Variants in FBXW7 observed in about 807,000 individuals in gnomAD.
FBXW7 encodes F-box/WD repeat-containing protein 7.
In FBXW7, 11 loss-of-function variants were observed where a neutral mutation model predicts 86.3. That is an observed-to-expected ratio of 0.13 (90% CI 0.08 to 0.21). The LOEUF (loss-of-function observed/expected upper bound fraction) is 0.21, where lower values mean the gene tolerates loss of function less well. Among genes scored for constraint, FBXW7 ranks in the 10% least tolerant of loss-of-function variants. FBXW7 has a pLI of 1.00. For missense variants in FBXW7, 488 were observed against 847.4 expected (o/e 0.58, Z 5.27); for synonymous variants, 313 against 297.9 (o/e 1.05, Z -0.52).
intron 2 of FBXW7, among the ~76,000 whole-genome samples, chr4:152,431,541 T>C (rs551336393): frequency 6.6e-6 from 1 of 152,318 alleles, no homozygotes; most frequent in South Asian, 2.1e-4. Flanking sequence ...TTCTATTTGA[T>C]TATGTGGCAG....
At position 152,415,224 on chromosome 4, in the gene FBXW7, T is replaced by C. The variant is rs1472794291; in HGVS notation, c.-119-2695A>G. Among the ~76,000 whole-genome samples, 4 of 152,126 alleles carry C rather than the reference T, an allele frequency of 2.6e-5. No homozygotes were observed. The South Asian group carries it at 6.2e-4, about 24-fold the overall frequency. ...AAGGCAAATACTAACTTTGAAATCA[T>C]AGTAGACACTGAGGAATACAGTTTA... On this transcript the variant is annotated intron_variant, in intron 2 of 13. Transcript: ENST00000281708.
intron 5 of FBXW7, among the ~76,000 whole-genome samples, chr4:152,349,833 C>T (rs543733123): frequency 6.6e-6 from 1 of 151,874 alleles, no homozygotes; most frequent in Non-Finnish European, 1.5e-5. Context: ...TTGTGTCCTA[C>T]TTCAAAATGT....
intron 2 of FBXW7, among the ~76,000 whole-genome samples, chr4:152,490,394 C>A (rs929050410): frequency 7.2e-5 from 11 of 151,996 alleles, no homozygotes; most frequent in African/African-American, 2.7e-4. Flanking sequence ...ACTTATTGGA[C>A]TCCCTAGAAC....
Position 152,520,650 on chromosome 4 carries a change from A to G in FBXW7, c.-120+14291T>C, listed in dbSNP as rs2149729795. 2.6e-5 allele frequency among the ~76,000 whole-genome samples: 4 copies of G among 152,290 alleles called. No individual in the cohort carries two copies. In the Middle Eastern group the frequency reaches 0.014, roughly 518 times the overall value. On this transcript the variant is annotated intron_variant, in intron 2 of 13. Coordinates refer to ENST00000281708, the MANE Select transcript of FBXW7 (RefSeq NM_001349798.2). ...ACTGTTACTTAATGATGGCTCCTCC[A>G]TGATGTAAAAATGATACTACATATT...
intron 2 of FBXW7, among the ~76,000 whole-genome samples, chr4:152,448,071 T>C (rs1235418575): frequency 6.6e-6 from 1 of 152,138 alleles, no homozygotes; most frequent in Non-Finnish European, 1.5e-5. Flanking sequence ...CTCACAAAAC[T>C]TGAAACGAAG....
intron 2 of FBXW7, among the ~76,000 whole-genome samples, chr4:152,438,335 A>T (rs1306002865): frequency 6.6e-6 from 1 of 152,122 alleles, no homozygotes. Flanking sequence ...ATATTTGCTT[A>T]ATTGTAGTGG....
chr4:152,435,064 C>CTGGGG (rs1174257339), intron 2 of FBXW7, among the ~76,000 whole-genome samples: 1 of 20,102 alleles, frequency 5.0e-5, no homozygotes, highest in Non-Finnish European at 9.6e-5. Context: ...AACGAGAGGC[C>CTGGGG]TGGGGAGGGG....
At chr4:152,490,676 T>C (rs1026001477) in intron 2 of FBXW7, among the ~76,000 whole-genome samples, 3 of 152,096 alleles carry the variant, frequency 2.0e-5, no homozygotes, top group Admixed American at 1.3e-4. Context: ...ATTGCCTAAA[T>C]ACTCCATGGA....
chr4:152,333,135 C>T (rs1295964103), intron 7 of FBXW7, among the ~76,000 whole-genome samples: 1 of 152,074 alleles, frequency 6.6e-6, no homozygotes, highest in Admixed American at 6.6e-5. Flanking sequence ...TGTATATATT[C>T]TGTGTGGTAT....
At chr4:152,447,376 T>A (rs1250464511) in intron 2 of FBXW7, among the ~76,000 whole-genome samples, 1 of 152,142 alleles carries the variant, frequency 6.6e-6, no homozygotes. Flanking sequence ...GAGGTAGAGG[T>A]ATTGGTGAGG....
At chr4:152,517,699 G>A (rs964558400) in intron 2 of FBXW7, among the ~76,000 whole-genome samples, 2 of 152,108 alleles carry the variant, frequency 1.3e-5, no homozygotes, top group African/African-American at 2.4e-5. Flanking sequence ...GACTGGATGA[G>A]GTAATACACA....
chr4:152,332,941 T>G (rs1729698756), intron 7 of FBXW7, among the ~76,000 whole-genome samples: 1 of 152,038 alleles, frequency 6.6e-6, no homozygotes, highest in Non-Finnish European at 1.5e-5. Context: ...ACTAACTCTT[T>G]ACCCTCTTCA....
At chr4:152,492,751 T>C (rs1170566561) in intron 2 of FBXW7, among the ~76,000 whole-genome samples, 1 of 152,110 alleles carries the variant, frequency 6.6e-6, no homozygotes, top group Middle Eastern at 3.2e-3. Flanking sequence ...CAAGAGGCCG[T>C]GCTTTGCTAT....
intron 2 of FBXW7, among the ~76,000 whole-genome samples, chr4:152,453,470 C>G (rs1180963779): frequency 2.6e-5 from 4 of 152,130 alleles, no homozygotes; most frequent in Admixed American, 2.6e-4. Flanking sequence ...CTACCACATG[C>G]TATGCAGGTA....
intron 2 of FBXW7, among the ~76,000 whole-genome samples, chr4:152,523,311 A>C (rs553300179): frequency 4.6e-5 from 7 of 152,248 alleles, no homozygotes; most frequent in Non-Finnish European, 5.9e-5. Context: ...GACCAAAAAA[A>C]ACACATATTT....
chr4:152,328,460 A>G (rs1473535482), intron 10 of FBXW7, 71 bp from the exon 11 acceptor site: 22 of 1,087,000 alleles, frequency 2.0e-5, no homozygotes, highest in Middle Eastern at 2.2e-4. Flanking sequence ...TTAATAGCTC[A>G]TTAAAATTTG....
At chr4:152,465,720 T>G (rs953206595) in intron 2 of FBXW7, among the ~76,000 whole-genome samples, 2 of 151,788 alleles carry the variant, frequency 1.3e-5, no homozygotes, top group African/African-American at 4.8e-5. Flanking sequence ...GGCATGCGCC[T>G]ATAATCCCAG....
intron 4 of FBXW7, chr4:152,382,274 G>C (rs80106029): frequency 6.2e-7 from 1 of 1,603,578 alleles, no homozygotes; most frequent in East Asian, 2.3e-5. Flanking sequence ...AGGCTCTTTT[G>C]CACTTTTAAG....
chr4:152,354,326 C>T (rs561133893), intron 4 of FBXW7, among the ~76,000 whole-genome samples: 4 of 151,874 alleles, frequency 2.6e-5, no homozygotes, highest in South Asian at 4.2e-4. Flanking sequence ...AATCTCACTT[C>T]GAAGGGAAGC....
Sources: allele counts gnomAD v4.1 joint callset (sites outside exome capture counted in the v4.1 genomes callset), GRCh38; gene constraint gnomAD v4.1.1; transcripts MANE v1.5; gene names NCBI Gene and HGNC (gene_info 2026-07-23, HGNC 2026-07-21).